The following ARMCX4 variants were observed in gnomAD, a reference collection of about 807,000 sequenced individuals.
The protein encoded by ARMCX4 is armadillo repeat-containing X-linked protein 4.
In ARMCX4, 3 loss-of-function variants were observed where a neutral mutation model predicts 34.7. That is an observed-to-expected ratio of 0.09 (90% CI 0.04 to 0.22). The LOEUF is 0.22. Among genes scored for constraint, ARMCX4 ranks in the 10% least tolerant of loss-of-function variants. The pLI is 1.00. For synonymous variants in ARMCX4, 513 were observed against 632.8 expected, an observed-to-expected ratio of 0.81 and a Z score of 2.84; for missense variants, 1,448 against 1,720.8, an observed-to-expected ratio of 0.84 and a Z score of 2.81.
chrX:101,497,537 C>A (rs969337394), downstream of ARMCX4, among the ~76,000 whole-genome samples: 1 of 111,623 alleles, frequency 9.0e-6, no homozygotes, highest in African/African-American at 3.3e-5. Context: ...CCACGCCCGG[C>A]CTCATTTGTT....
At chrX:101,426,760 T>A (rs1929648592) in intron 2 of ARMCX4, among the ~76,000 whole-genome samples, 1 of 111,752 alleles carries the variant, frequency 8.9e-6, no homozygotes, top group Admixed American at 9.6e-5. Context: ...TACAGCAAAG[T>A]TGTGTCATTT....
chrX:101,428,534 A>T (rs781910921), intron 2 of ARMCX4, among the ~76,000 whole-genome samples: 2 of 112,273 alleles, frequency 1.8e-5, no homozygotes, highest in African/African-American at 6.5e-5. Context: ...CTCAGTAAAA[A>T]GGTTAAGACA....
chrX:101,500,151 C>T (rs1193394534), downstream of ARMCX4, among the ~76,000 whole-genome samples: 1 of 111,293 alleles, frequency 9.0e-6, no homozygotes, highest in East Asian at 2.8e-4. Flanking sequence ...TAATTGTCCC[C>T]CTTATTAGAA....
At chrX:101,446,214 C>T (rs959753643), downstream of ARMCX4, 1 of 111,948 alleles carries the variant, frequency 8.9e-6, no homozygotes, top group Non-Finnish European at 1.9e-5. Context: ...TTTATTTCTT[C>T]AGCCACCCTG....
chrX:101,507,940 C>T (rs781827211), intron 8 of ARMCX4, among the ~76,000 whole-genome samples: 92 of 112,543 alleles, frequency 8.2e-4, no homozygotes, highest in African/African-American at 2.8e-3. Flanking sequence ...AAATTCCTAT[C>T]AGCTAGTGAT....
chrX:101,513,073 G>A (rs1266430021), intron 11 of ARMCX4, among the ~76,000 whole-genome samples: 4 of 109,658 alleles, frequency 3.6e-5, no homozygotes, highest in African/African-American at 1.3e-4. Context: ...TATGTCTTGA[G>A]GCAGAAGTCC....
At chrX:101,513,280 T>C (rs1934635402) in intron 11 of ARMCX4, among the ~76,000 whole-genome samples, 1 of 111,582 alleles carries the variant, frequency 9.0e-6, no homozygotes. Context: ...ACTTTACACA[T>C]AGTATTAACC....
At chrX:101,510,987 T>C (rs1354678557) in intron 10 of ARMCX4, 6 of 111,570 alleles carry the variant, frequency 5.4e-5, no homozygotes, top group African/African-American at 1.9e-4. Flanking sequence ...CCTTAATATT[T>C]TGAAACTTAT....
Position 101,489,170 on chromosome X carries a change from T to C in ARMCX4, c.581T>C (p.Ile194Thr). ...AMTQTKAETH[I>T]LAEKETEINR... The stretch of plus-strand genomic sequence containing the variant: ...ACCCAGACCAAAGCTGAAACTCATA[T>C]ATTGGCTGAAAAAGAGACAGAGATT... The change falls in exon 6 of 6, where the codon ATA becomes ACA. Residue 194 changes from isoleucine to threonine, a missense_variant. Ile to Thr is a moderately conservative substitution (Grantham distance 89). Transcript: ENST00000423738. The C allele has an allele frequency of 1.7e-6, 2 of 1,155,866 alleles. No individual in the cohort carries two copies. Among genetic ancestry groups the C allele is most frequent in the Non-Finnish European group, 2.3e-6 (2 of 872,983 alleles).
At chrX:101,480,175 CATAT>C (rs1189078125) in intron 4 of ARMCX4, among the ~76,000 whole-genome samples, 1 of 93,696 alleles carries the variant, frequency 1.1e-5, no homozygotes, top group African/African-American at 4.0e-5. Context: ...CACACACACA[CATAT>C]ATATGCAATG....
At chrX:101,445,663 C>T (rs1931578154) in intron 3 of ARMCX4, among the ~76,000 whole-genome samples, 1 of 112,050 alleles carries the variant, frequency 8.9e-6, no homozygotes, top group Non-Finnish European at 1.9e-5. Flanking sequence ...GTTCAAGTTA[C>T]ATAAATGGTG....
At chrX:101,476,232 A>G (rs1406695461) in intron 4 of ARMCX4, among the ~76,000 whole-genome samples, 2 of 109,107 alleles carry the variant, frequency 1.8e-5, no homozygotes, top group Non-Finnish European at 3.8e-5. Flanking sequence ...GGTACTGGAA[A>G]TGTAGCAAAT....
intron 7 of ARMCX4, among the ~76,000 whole-genome samples, chrX:101,502,476 G>A (rs782571997): frequency 8.9e-6 from 1 of 111,956 alleles, no homozygotes; most frequent in African/African-American, 3.2e-5. Flanking sequence ...CTGGGCTTGA[G>A]GGCCTTTCCT....
intron 11 of ARMCX4, among the ~76,000 whole-genome samples, chrX:101,528,085 TA>T (rs1935023901): frequency 9.0e-6 from 1 of 111,577 alleles, no homozygotes; most frequent in Admixed American, 9.5e-5. Flanking sequence ...ATATCCTCAA[TA>T]AAATACTGGC....
intron 8 of ARMCX4, among the ~76,000 whole-genome samples, chrX:101,506,249 G>A (rs1350977360): frequency 8.9e-6 from 1 of 112,092 alleles, no homozygotes; most frequent in East Asian, 2.8e-4. Context: ...CTATTTCTAT[G>A]AATTTAACTA....
rs1556007804 is a variant in ARMCX4 at position 101,489,202 on chromosome X, G to T, written c.613G>T (p.Val205Leu). The T allele has an allele frequency of 8.7e-7, 1 of 1,155,881 alleles. No homozygotes were observed. Among genetic ancestry groups the T allele is most frequent in the East Asian group, 3.2e-5 (1 of 30,803 alleles). The change falls in exon 6 of 6, where the codon GTA (valine) becomes TTA (leucine). Residue 205 changes from valine (V) to leucine (L), a missense_variant. By Grantham distance (32) the Val-to-Leu change is conservative. Transcript: ENST00000423738. ...LAEKETEINR[V>L]MVTQSETLAV... ...TGAAAAAGAGACAGAGATTAACAGAGTAATGGTTACACAGAGTGAGACCTT... is the reference window on the plus strand; with the variant it reads ...TGAAAAAGAGACAGAGATTAACAGATTAATGGTTACACAGAGTGAGACCTT...
chrX:101,529,907 A>C (rs1046908720), intron 11 of ARMCX4, among the ~76,000 whole-genome samples: 36 of 112,064 alleles, frequency 3.2e-4, no homozygotes, highest in Non-Finnish European at 5.6e-4. Context: ...TAGTTCAACC[A>C]TTGTGGAAGA....
In ARMCX4 at chrX:101,489,868, A is replaced by G. The variant is rs1933899161; in HGVS notation, c.1279A>G (p.Met427Val). 8.6e-7 allele frequency: 1 copy of G among 1,156,324 alleles called. No homozygotes were observed. The highest frequency in any genetic ancestry group is 1.1e-6 in the Non-Finnish European group (1 of 873,031). Residue 427 changes from methionine to valine, a missense_variant, in exon 6 of 6, where the codon ATG (methionine) becomes GTG (valine). Physicochemically the swap from Met to Val is conservative, Grantham distance 21 (BLOSUM62 1). Around this residue, in one of 2 missense-constraint regions of ARMCX4, gnomAD observed 1,343 missense variants for 1,540.7 expected, o/e 0.87. Coordinates refer to ENST00000423738, the MANE Select transcript of ARMCX4 (RefSeq NM_001256155.3). ...TAAGAACAGAGGCAATCCCAATGCCATGACTAAAGCAGGGGCCAAGGCAAA... is the reference window on the plus strand; with the variant it reads ...TAAGAACAGAGGCAATCCCAATGCCGTGACTAAAGCAGGGGCCAAGGCAAA... ...KVKNRGNPNA[M>V]TKAGAKANLR...
intron 2 of ARMCX4, among the ~76,000 whole-genome samples, chrX:101,442,029 T>A (rs1367348897): frequency 8.9e-6 from 1 of 112,170 alleles, no homozygotes; most frequent in African/African-American, 3.2e-5. Context: ...ATCCACCCAT[T>A]CATTTATTCC....
Sources: gnomAD v4.1 joint callset for allele counts (sites outside exome capture counted in the v4.1 genomes callset) on GRCh38, gnomAD v4.1.1 for gene constraint, gnomAD v4.1.1 regional missense constraint, MANE v1.5 for transcripts, NCBI Gene and HGNC (gene_info 2026-07-23, HGNC 2026-07-21) for gene names.